TTN: variants seen among roughly 807,000 people sequenced by gnomAD.
TTN encodes the protein titin, also known as connectin.
Under a neutral mutation model 3,223.0 loss-of-function variants are expected in TTN, and 1,525 were observed. The observed-to-expected ratio is 0.47, with a 90% confidence interval of 0.45 to 0.49. The LOEUF (loss-of-function observed/expected upper bound fraction) is 0.49. Among genes scored for constraint, TTN ranks in the 20% least tolerant of loss-of-function variants. TTN has a pLI of 0.00. For missense variants in TTN, 40,786 were observed against 43,424.0 expected (o/e 0.94, Z 5.40); for synonymous variants, 14,094 against 15,161.0 (o/e 0.93, Z 5.17).
Position 178,548,578 on chromosome 2 carries a change from A to G in TTN, c.93048T>C (p.Thr31016=). 6.2e-7 allele frequency: 1 copy of G among 1,613,806 alleles called. No individual in the cohort carries two copies. The highest frequency in any genetic ancestry group is 8.5e-7 in the Non-Finnish European group (1 of 1,179,788). The part of the protein sequence containing the change: ...SITFTVKVLD[T]PGPPGPITFK... Reference sequence around the variant, plus strand: ...AGGTAATTGGGCCAGGTGGGCCTGGAGTGTCTAGCACTTTCACGGTGAATG... The same window carrying G: ...AGGTAATTGGGCCAGGTGGGCCTGGGGTGTCTAGCACTTTCACGGTGAATG... The change falls in exon 339 of 363, where the codon ACT becomes ACC. Residue 31016 remains threonine, a synonymous_variant. Coordinates refer to ENST00000589042, the MANE Select transcript of TTN (RefSeq NM_001267550.2). This position sits in a 1 kb window ranked among gnomAD's most constrained non-coding sequence, Gnocchi z 4.3.
chr2:178,679,496 C>T, intron 141 of TTN, 80 bp from the exon 142 acceptor site: 1 of 1,585,994 alleles, frequency 6.3e-7, no homozygotes, highest in South Asian at 1.1e-5. Flanking sequence ...TGTTTTTTAA[C>T]AACGGACAGT....
In TTN at chr2:178,616,729, C is replaced by T. The variant is rs1576492463; in HGVS notation, c.48160G>A (p.Ala16054Thr). Residue 16054 changes from alanine to threonine, a missense_variant and splice_region_variant, in exon 256 of 363, where the codon GCT (alanine) becomes ACT (threonine). Physicochemically the swap from Ala to Thr is moderately conservative, Grantham distance 58. Transcript: ENST00000589042. ...ISGEIDVNVI[A>T]RPSAPKELKF... Reference sequence around the variant, plus strand: ...AGATGATAAATGTTTTGTTCCTTACCAATTACATTGACATCAATTTCCCCA... The same window carrying T: ...AGATGATAAATGTTTTGTTCCTTACTAATTACATTGACATCAATTTCCCCA... 2 of 1,612,292 alleles carry T rather than the reference C, an allele frequency of 1.2e-6. No individual in the cohort carries two copies. Among genetic ancestry groups the T allele is most frequent in the Non-Finnish European group, 1.7e-6 (2 of 1,179,078 alleles).
In TTN at chr2:178,782,624, T is replaced by C. The variant is rs766432310; in HGVS notation, c.3101-22A>G. 3 of 1,613,134 alleles carry C rather than the reference T, an allele frequency of 1.9e-6. No homozygotes were observed. The Admixed American group carries it at 5.0e-5, about 27-fold the overall frequency. On this transcript the variant is annotated intron_variant, in intron 18 of 362. Coordinates refer to ENST00000589042, the MANE Select transcript of TTN (RefSeq NM_001267550.2). The stretch of plus-strand genomic sequence containing the variant: ...GACACTAAAAGAAGACAAAAGTTTC[T>C]CATTGAGATGAGATGTTTAGTGACC...
Position 178,543,413 on chromosome 2 carries a change from A to T in TTN, c.96560T>A (p.Ile32187Asn), listed in dbSNP as rs1377093791. ...FRVLPENIYG[I>N]GEPCETSDAV... is the part of the protein sequence containing the mutation. The stretch of plus-strand genomic sequence containing the variant: ...ATCAGATGTTTCACAAGGTTCTCCA[A>T]TGCCATAAATATTTTCTGGCAGCAC... The change falls in exon 347 of 363, where the codon ATT becomes AAT. Residue 32187 changes from isoleucine (I) to asparagine (N), a missense_variant. Coordinates refer to ENST00000589042, the MANE Select transcript of TTN (RefSeq NM_001267550.2). 6.2e-7 allele frequency: 1 copy of T among 1,613,876 alleles called. No homozygotes were observed. The highest frequency in any genetic ancestry group is 1.7e-5 in the Admixed American group (1 of 60,002).
chr2:178,530,108 T>G lies in TTN; in HGVS notation c.106383A>C (p.Thr35461=). The change falls in exon 359 of 363, where the codon ACA becomes ACC. Residue 35461 remains threonine, a synonymous_variant. Coordinates refer to ENST00000589042, the MANE Select transcript of TTN (RefSeq NM_001267550.2). ...AIWTKDGKAI[T]QGGKYKLSED... is the part of the protein sequence containing the mutation. ...CAGAGAGTTTATATTTACCTCCTTG[T>G]GTAATGGCCTGTAGAATGCAAATGA... 6.3e-7 allele frequency: 1 copy of G among 1,595,162 alleles called. No individual in the cohort carries two copies.
At chr2:178,716,543 A>T (rs1452340650) in intron 88 of TTN, among the ~76,000 whole-genome samples, 3 of 152,156 alleles carry the variant, frequency 2.0e-5, no homozygotes, top group Non-Finnish European at 2.9e-5. Flanking sequence ...AGCGATAAAC[A>T]TGTGGCAGAA....
At chr2:178,666,756 T>C (rs1352626593) in intron 163 of TTN, 68 bp downstream of exon 163, 1 of 1,342,066 alleles carries the variant, frequency 7.5e-7, no homozygotes, top group East Asian at 2.6e-5. Flanking sequence ...AAGATATTAG[T>C]ATTTTTACAT....
chr2:178,753,058 G>T (rs1363565617), intron 47 of TTN, 66 bp downstream of exon 47: 2 of 1,323,676 alleles, frequency 1.5e-6, no homozygotes, highest in Non-Finnish European at 1.1e-6. Flanking sequence ...GAGAAAGAAG[G>T]CAACTCAAGG....
chr2:178,684,358 A>G lies in TTN; in HGVS notation c.32694T>C (p.Thr10898=), dbSNP rs1553844266. 5.0e-6 allele frequency: 8 copies of G among 1,613,542 alleles called. No homozygotes were observed. The highest frequency in any genetic ancestry group is 6.8e-6 in the Non-Finnish European group (8 of 1,179,636). ...TTGCTTTTGGAGGCGCCTCTTTTTT[A>G]GTTACAGCAACAAGAACTTTTTCTT... ...TQEEKVLVAV[T]KKEAPPKARV... The change falls in exon 132 of 363, where the codon ACT becomes ACC. Residue 10898 remains threonine (T), a synonymous_variant. Coordinates refer to ENST00000589042, the MANE Select transcript of TTN (RefSeq NM_001267550.2).
rs2154220094 is a variant in TTN, at chr2:178,630,799, C to T, written c.44154+5G>A. The T allele has an allele frequency of 6.2e-7, 1 of 1,610,400 alleles. No homozygotes were observed. The highest frequency in any genetic ancestry group is 8.5e-7 in the Non-Finnish European group (1 of 1,178,316). ...AGGTGTTGACAAGTTCAGAAATAGC[C>T]TTACAGGTGTTTGGAGTAGGGCCTC... On this transcript the variant is annotated splice_donor_5th_base_variant and intron_variant, in intron 238 of 362. Coordinates refer to ENST00000589042, the MANE Select transcript of TTN (RefSeq NM_001267550.2).
Position 178,722,112 on chromosome 2 carries a change from A to G in TTN, c.22551T>C (p.Phe7517=). 6.4e-7 allele frequency: 1 copy of G among 1,570,648 alleles called. No homozygotes were observed. The highest frequency in any genetic ancestry group is 8.6e-7 in the Non-Finnish European group (1 of 1,159,568). ...CATCTATAGATACAGGCTTGATGTCAAAGAAGGGAGATTTCTTGGGTTCTG... is the reference window on the plus strand; with the variant it reads ...CATCTATAGATACAGGCTTGATGTCGAAGAAGGGAGATTTCTTGGGTTCTG... ...TAREPKKSPF[F]DIKPVSIDVI... Residue 7517 remains phenylalanine, a synonymous_variant, in exon 78 of 363, where the codon TTT becomes TTC. Coordinates refer to ENST00000589042, the MANE Select transcript of TTN (RefSeq NM_001267550.2).
chr2:178,757,583 C>T lies in TTN; in HGVS notation c.10637G>A (p.Gly3546Glu). The change falls in exon 45 of 363, where the codon GGG becomes GAG. Residue 3546 changes from glycine (G) to glutamate (E), a missense_variant. By Grantham distance (98) the Gly-to-Glu change is moderately conservative (BLOSUM62 -2). Coordinates refer to ENST00000589042, the MANE Select transcript of TTN (RefSeq NM_001267550.2). ...QYSCKAANSA[G>E]EATCAATLTV... ...GAGTGTAGCTGCACAAGTGGCTTCC[C>T]CAGCACTATTGGCTGCTTTGCAAGA... is the stretch of plus-strand genomic sequence containing the variant. 4 of 1,603,046 alleles carry T rather than the reference C, an allele frequency of 2.5e-6. No homozygotes were observed. Among genetic ancestry groups the T allele is most frequent in the Non-Finnish European group, 3.4e-6 (4 of 1,172,562 alleles).
In TTN at chr2:178,778,883, C is replaced by G. The variant is rs138506461; in HGVS notation, c.4199G>C (p.Ser1400Thr). The change falls in exon 24 of 363, where the codon AGC (serine) becomes ACC (threonine). Residue 1400 changes from serine (S) to threonine (T), a missense_variant. Transcript: ENST00000589042. The stretch of plus-strand genomic sequence containing the variant: ...TTATTACAAGTCTTACCTGATTCTG[C>G]TCACTGGCTCTAGTGTGGGAATGTA... ...PTYIPTLEPV[S>T]RIRSLSPRSV... The G allele has an allele frequency of 3.9e-4, 628 of 1,613,918 alleles. 3 individuals are homozygous for G. The African/African-American group carries it at 7.6e-3, about 19-fold the overall frequency.
chr2:178,616,335 T>C (rs1171808162), intron 257 of TTN, 144 bp downstream of exon 257: 77 of 1,037,454 alleles, frequency 7.4e-5, no homozygotes, highest in Non-Finnish European at 1.1e-4. Flanking sequence ...TTAGCACCGA[T>C]GCATTCTTAA....
At position 178,532,738 on chromosome 2, in the gene TTN, T is replaced by G; in HGVS notation, c.103877A>C (p.Gln34626Pro). The change falls in exon 358 of 363, where the codon CAA (glutamine) becomes CCA (proline). Residue 34626 changes from glutamine to proline, a missense_variant. Physicochemically the swap from Gln to Pro is moderately conservative, Grantham distance 76. Transcript: ENST00000589042. Reference protein sequence around the residue: ...RPKWRIPKLSQDDLEIVRPAR... With the variant: ...RPKWRIPKLSPDDLEIVRPAR... ...TGGTCTCACTATCTCAAGATCATCTTGGGACAGTTTAGGAATACGCCATTT... is the reference window on the plus strand; with the variant it reads ...TGGTCTCACTATCTCAAGATCATCTGGGGACAGTTTAGGAATACGCCATTT... 1 of 1,613,966 alleles carries G rather than the reference T, an allele frequency of 6.2e-7. No homozygotes were observed. The highest frequency in any genetic ancestry group is 8.5e-7 in the Non-Finnish European group (1 of 1,179,872).
In TTN at chr2:178,652,689, C is replaced by G. The variant is rs750023728; in HGVS notation, c.39007G>C (p.Ala13003Pro). The stretch of plus-strand genomic sequence containing the variant: ...GGGACTTCAGGCTTTTTAGGAGGAG[C>G]CGAGGGCACTTTCTTTTCAGGAACA... ...EVVPEKKVPS[A>P]PPKKPEVPPV... Residue 13003 changes from alanine (A) to proline (P), a missense_variant, in exon 201 of 363, where the codon GCT becomes CCT. Transcript: ENST00000589042. 1.9e-6 allele frequency: 3 copies of G among 1,611,078 alleles called. No individual in the cohort carries two copies. The highest frequency in any genetic ancestry group is 1.7e-5 in the Admixed American group (1 of 59,838).
intron 40 of TTN, among the ~76,000 whole-genome samples, chr2:178,766,983 T>C (rs1277742616): frequency 6.6e-6 from 1 of 152,250 alleles, no homozygotes; most frequent in Non-Finnish European, 1.5e-5. Flanking sequence ...TCATTTTATA[T>C]GAATAATAAC....
Position 178,612,839 on chromosome 2 carries a change from C to T in TTN, c.49882G>A (p.Val16628Met). ...GQEYSFRVRA[V>M]NKAGESEPSE... ...GGTTCACTTTCCCCAGCCTTATTCA[C>T]AGCTCTAACTCGGAATGAGTATTCC... Residue 16628 changes from valine (V) to methionine (M), a missense_variant, in exon 265 of 363, where the codon GTG becomes ATG. Physicochemically the swap from Val to Met is conservative, Grantham distance 21 (BLOSUM62 1). Transcript: ENST00000589042. 2 of 1,612,526 alleles carry T rather than the reference C, an allele frequency of 1.2e-6. No individual in the cohort carries two copies. The highest frequency in any genetic ancestry group is 1.7e-6 in the Non-Finnish European group (2 of 1,179,216).
At chr2:178,699,461 G>A (rs1208154267) in intron 111 of TTN, among the ~76,000 whole-genome samples, 1 of 111,226 alleles carries the variant, frequency 9.0e-6, no homozygotes, top group African/African-American at 3.5e-5. Context: ...GCCCAGGCCG[G>A]ATTGCAGTGG....
Sources: gnomAD v4.1 joint callset for allele counts (sites outside exome capture counted in the v4.1 genomes callset) on GRCh38, gnomAD v4.1.1 for gene constraint, Gnocchi (gnomAD v3.1) non-coding constraint, MANE v1.5 for transcripts, NCBI Gene and HGNC (gene_info 2026-07-23, HGNC 2026-07-21) for gene names.